Variants in PTCHD1 observed in about 807,000 individuals in gnomAD.
PTCHD1 encodes the protein patched domain-containing protein 1.
PTCHD1 carries 3 observed loss-of-function variants against 34.6 expected under a neutral mutation model. That is an observed-to-expected ratio of 0.09 (90% CI 0.04 to 0.22). The LOEUF (loss-of-function observed/expected upper bound fraction) is 0.22. Ranked by LOEUF, PTCHD1 falls within the 10% of genes least tolerant of loss-of-function variation. The pLI, the probability that PTCHD1 is intolerant of heterozygous loss-of-function variation, is 1.00. For missense variants in PTCHD1, 504 were observed against 685.5 expected, an observed-to-expected ratio of 0.74 and a Z score of 2.96; for synonymous variants, 305 against 283.1, an observed-to-expected ratio of 1.08 and a Z score of -0.77.
Position 23,392,544 on chromosome X carries a change from T to C in PTCHD1, c.1026T>C (p.Tyr342=). 4 of 1,196,471 alleles carry C rather than the reference T, an allele frequency of 3.3e-6. No homozygotes were observed. Among genetic ancestry groups the C allele is most frequent in the Non-Finnish European group, 4.5e-6 (4 of 881,669 alleles). ...VPFVMLGHGL[Y]GTFEMLSSWR... is the part of the protein sequence containing the mutation. ...CTGCCCTCTTAGGTCATGGATTATA[T>C]GGGACTTTTGAAATGTTATCCTCCT... The change falls in exon 3 of 3, where the codon TAT becomes TAC. Residue 342 remains tyrosine, a synonymous_variant. Transcript: ENST00000379361.
chrX:23,345,175 T>C (rs757719106), intron 1 of PTCHD1, among the ~76,000 whole-genome samples: 1 of 112,357 alleles, frequency 8.9e-6, no homozygotes, highest in Non-Finnish European at 1.9e-5. Context: ...AATCCACAAT[T>C]ATTCAGGCTC....
chrX:23,379,571 G>A lies in PTCHD1; in HGVS notation c.352-20G>A. The A allele has an allele frequency of 8.3e-7, 1 of 1,207,879 alleles. No homozygotes were observed. The highest frequency in any genetic ancestry group is 2.2e-5 in the Admixed American group (1 of 45,964). On this transcript the variant is annotated intron_variant, in intron 1 of 2. Transcript: ENST00000379361. ...TAGAAATATTTGATTAATAAATGCTGTCATTTTTTTCCCCCACAGTTGCAT... is the reference window on the plus strand; with the variant it reads ...TAGAAATATTTGATTAATAAATGCTATCATTTTTTTCCCCCACAGTTGCAT...
intron 1 of PTCHD1, among the ~76,000 whole-genome samples, chrX:23,377,575 G>GGTGTGT (rs748957859): frequency 0.015 from 1,345 of 90,493 alleles, 7 homozygotes; most frequent in Non-Finnish European, 0.019. Flanking sequence ...GCCTCCTAGG[G>GGTGTGT]GTGTGTGTGT....
At chrX:23,334,664 C>T (rs1921097601), upstream of PTCHD1, 2 of 106,296 alleles carry the variant, frequency 1.9e-5, no homozygotes, top group Admixed American at 1.9e-4. Context: ...GGCAGGAGGG[C>T]GTGTCTCCGG....
At chrX:23,372,194 T>A (rs1329883509) in intron 1 of PTCHD1, among the ~76,000 whole-genome samples, 16 of 109,637 alleles carry the variant, frequency 1.5e-4, no homozygotes, top group Non-Finnish European at 2.3e-4. Context: ...TTTTTTTTTT[T>A]AAATTAGGGG....
intron 1 of PTCHD1, among the ~76,000 whole-genome samples, chrX:23,336,385 A>C (rs1485245894): frequency 9.0e-6 from 1 of 111,154 alleles, no homozygotes; most frequent in Non-Finnish European, 1.9e-5. Flanking sequence ...GTTTTGTGTG[A>C]GTCTCTAGTC....
In PTCHD1 at chrX:23,398,717, G is replaced by T; in HGVS notation, c.*4532G>T. Reference sequence around the variant, plus strand: ...AACACACTGCAGAGTTCCTCCCTGTGGTGGTTACAACTGTTATTTCTGTTT... The same window carrying T: ...AACACACTGCAGAGTTCCTCCCTGTTGTGGTTACAACTGTTATTTCTGTTT... On this transcript the variant is annotated 3_prime_UTR_variant, in exon 3 of 3. Coordinates refer to ENST00000379361, the MANE Select transcript of PTCHD1 (RefSeq NM_173495.3). 9.0e-6 allele frequency: 1 copy of T among 111,644 alleles called. No homozygotes were observed. Among genetic ancestry groups the T allele is most frequent in the Non-Finnish European group, 1.9e-5 (1 of 53,166 alleles). The allele number at this position is 111,644 out of a possible 1,213,427, so 9.2% of individuals were successfully genotyped here. A position where few individuals can be genotyped will look rare whatever the true frequency, so the allele number is the denominator to read the frequency against.
chrX:23,375,717 A>T (rs958500438), intron 1 of PTCHD1, among the ~76,000 whole-genome samples: 1 of 112,007 alleles, frequency 8.9e-6, no homozygotes, highest in Admixed American at 9.4e-5. Context: ...ATCTCAGGTA[A>T]GTGATTGAAA....
At position 23,400,429 on chromosome X, in the gene PTCHD1, G is replaced by A. The variant is rs1923089872; in HGVS notation, c.*6244G>A. The stretch of plus-strand genomic sequence containing the variant: ...GGAGGTAGAAGTTGCAGTGAGCCGA[G>A]ATTTCACCACTGCCCTCCAGACTGG... On this transcript the variant is annotated 3_prime_UTR_variant, in exon 3 of 3. Transcript: ENST00000379361. The A allele has an allele frequency of 8.9e-6, 1 of 112,638 alleles. No homozygotes were observed. The allele number at this position is 112,638 out of a possible 1,213,427, so 9.3% of individuals were successfully genotyped here. A position where few individuals can be genotyped will look rare whatever the true frequency, so the allele number is the denominator to read the frequency against.
chrX:23,374,308 A>C (rs1347467637), intron 1 of PTCHD1, among the ~76,000 whole-genome samples: 2 of 28,750 alleles, frequency 7.0e-5, no homozygotes, highest in Non-Finnish European at 1.6e-4. Context: ...AAAAAAAAAA[A>C]ACCCAAAACC....
At position 23,394,409 on chromosome X, in the gene PTCHD1, G is replaced by GACCCACACACACAC. The variant is rs1555912822; in HGVS notation, c.*226_*227insCCACACACACACAC. On this transcript the variant is annotated 3_prime_UTR_variant, in exon 3 of 3. Coordinates refer to ENST00000379361, the MANE Select transcript of PTCHD1 (RefSeq NM_173495.3). ...TGTTATGAGAATTCACACACACATA[G>GACCCACACACACAC]ACACACACACACACACACACACACA... The GACCCACACACACAC allele has an allele frequency of 5.9e-6, 1 of 169,295 alleles. No individual in the cohort carries two copies. Among genetic ancestry groups the GACCCACACACACAC allele is most frequent in the Non-Finnish European group, 1.0e-5 (1 of 95,570 alleles). 14.0% of individuals were successfully genotyped at this position (169,295 alleles called of 1,213,427 possible).
At position 23,396,468 on chromosome X, in the gene PTCHD1, T is replaced by A. The variant is rs1020157936; in HGVS notation, c.*2283T>A. ...TAAATCATGTGTTGCTAAATCATTT[T>A]CTGAACAGTGTGTTCTAAATCAGTC... On this transcript the variant is annotated 3_prime_UTR_variant, in exon 3 of 3. Transcript: ENST00000379361. The A allele has an allele frequency of 8.9e-6, 1 of 112,312 alleles. No individual in the cohort carries two copies. The highest frequency in any genetic ancestry group is 3.2e-5 in the African/African-American group (1 of 30,917). 9.3% of individuals were successfully genotyped at this position (112,312 alleles called of 1,213,427 possible).
In PTCHD1 at chrX:23,394,397, C is replaced by CACACACACAT. The variant is rs1922922162; in HGVS notation, c.*214_*223dup. On this transcript the variant is annotated 3_prime_UTR_variant, in exon 3 of 3. Coordinates refer to ENST00000379361, the MANE Select transcript of PTCHD1 (RefSeq NM_173495.3). ...AAACAAAGGAGTTGTTATGAGAATT[C>CACACACACAT]ACACACACATAGACACACACACACA... 2.1e-5 allele frequency: 7 copies of CACACACACAT among 339,267 alleles called. No individual in the cohort carries two copies. Among genetic ancestry groups the CACACACACAT allele is most frequent in the Non-Finnish European group, 3.5e-5 (7 of 201,044 alleles). 28.0% of individuals were successfully genotyped at this position (339,267 alleles called of 1,213,427 possible).
In PTCHD1 at chrX:23,394,409, GACACACACACACACACACACAC is replaced by G. The variant is rs34539351; in HGVS notation, c.*245_*266del. ...TGTTATGAGAATTCACACACACATA[GACACACACACACACACACACAC>G]ACACACACACACACACACACCCTGG... On this transcript the variant is annotated 3_prime_UTR_variant, in exon 3 of 3. Transcript: ENST00000379361. The G allele has an allele frequency of 1.5e-4, 31 of 200,366 alleles. No homozygotes were observed. Among genetic ancestry groups the G allele is most frequent in the African/African-American group, 9.5e-4 (26 of 27,351 alleles). 16.5% of individuals were successfully genotyped at this position (200,366 alleles called of 1,213,427 possible). A position where few individuals can be genotyped will look rare whatever the true frequency, so the allele number is the denominator to read the frequency against.
intron 1 of PTCHD1, among the ~76,000 whole-genome samples, chrX:23,358,840 G>A (rs985137380): frequency 1.8e-5 from 2 of 112,063 alleles, no homozygotes; most frequent in African/African-American, 6.5e-5. Context: ...TGTAAGGAAG[G>A]GATCCAGTTT....
chrX:23,361,424 G>A (rs1921980329), intron 1 of PTCHD1, among the ~76,000 whole-genome samples: 1 of 111,279 alleles, frequency 9.0e-6, no homozygotes, highest in African/African-American at 3.3e-5. Flanking sequence ...TGTCTCTTTT[G>A]ATCTTTGTTG....
rs1387235645 is a variant in PTCHD1 at position 23,397,087 on chromosome X, C to T, written c.*2902C>T. ...ACCAAGACATTAACGTCCACTTTAC[C>T]AAAGAAACTTACTTGGTTGGTTTTT... On this transcript the variant is annotated 3_prime_UTR_variant, in exon 3 of 3. Transcript: ENST00000379361. The T allele has an allele frequency of 9.0e-6, 1 of 111,558 alleles. No individual in the cohort carries two copies. Among genetic ancestry groups the T allele is most frequent in the Non-Finnish European group, 1.9e-5 (1 of 53,099 alleles). The allele number at this position is 111,558 out of a possible 1,213,427, so 9.2% of individuals were successfully genotyped here.
chrX:23,347,522 G>A (rs1415091578), intron 1 of PTCHD1, among the ~76,000 whole-genome samples: 1 of 112,147 alleles, frequency 8.9e-6, no homozygotes, highest in Non-Finnish European at 1.9e-5. Context: ...CTGACCCCTA[G>A]ATTAACATAA....
chrX:23,335,604 A>G (rs1283725558), intron 1 of PTCHD1, among the ~76,000 whole-genome samples: 2 of 112,635 alleles, frequency 1.8e-5, no homozygotes, highest in Admixed American at 9.3e-5. Context: ...GGAAAGTCCT[A>G]CTACTTGAGA....
Sources: allele counts gnomAD v4.1 joint callset (sites outside exome capture counted in the v4.1 genomes callset), GRCh38; gene constraint gnomAD v4.1.1; transcripts MANE v1.5; gene names NCBI Gene and HGNC (gene_info 2026-07-23, HGNC 2026-07-21).